Variants in DCUN1D3 observed in about 807,000 individuals in gnomAD.
DCUN1D3 encodes the protein defective in cullin neddylation 1 domain containing 3, also known as DCN1-like protein 3.
Under a neutral mutation model 24.8 loss-of-function variants are expected in DCUN1D3, and 6 were observed. The observed-to-expected ratio is 0.24, with a 90% CI of 0.13 to 0.48. The LOEUF is 0.48. Among genes scored for constraint, DCUN1D3 ranks in the 20% least tolerant of loss-of-function variants. The pLI is 0.99. For synonymous variants in DCUN1D3, 120 were observed against 144.9 expected (o/e 0.83, Z 1.24); for missense variants, 258 against 379.4 (o/e 0.68, Z 2.66).
intron 1 of DCUN1D3, among the ~76,000 whole-genome samples, chr16:20,879,250 TA>T (rs1159835690): frequency 1.3e-5 from 2 of 152,202 alleles, no homozygotes; most frequent in Non-Finnish European, 2.9e-5. Context: ...CAGTGAGTCA[TA>T]AAAAATAGTA....
intron 1 of DCUN1D3, among the ~76,000 whole-genome samples, chr16:20,897,898 A>T (rs1191728704): frequency 2.0e-5 from 3 of 152,040 alleles, no homozygotes; most frequent in African/African-American, 7.2e-5. Context: ...AAGTGATAAG[A>T]CCCTAGTTAA....
At chr16:20,891,130 A>C (rs559094391) in intron 1 of DCUN1D3, among the ~76,000 whole-genome samples, 1 of 152,026 alleles carries the variant, frequency 6.6e-6, no homozygotes, top group African/African-American at 2.4e-5. Flanking sequence ...AATAGCTACG[A>C]TTACAGGCGC....
At chr16:20,871,580 C>T (rs1196464790) in intron 1 of DCUN1D3, among the ~76,000 whole-genome samples, 1 of 152,162 alleles carries the variant, frequency 6.6e-6, no homozygotes, top group Non-Finnish European at 1.5e-5. Flanking sequence ...GGACTGAAGC[C>T]AGTGTGGGCT....
chr16:20,898,689 A>G (rs1469846175), intron 1 of DCUN1D3, among the ~76,000 whole-genome samples: 5 of 152,266 alleles, frequency 3.3e-5, no homozygotes, highest in Admixed American at 6.5e-5. Flanking sequence ...AGCACTATGC[A>G]TATCAAGCTC....
chr16:20,899,698 G>T (rs2081952536), intron 1 of DCUN1D3, among the ~76,000 whole-genome samples: 1 of 152,156 alleles, frequency 6.6e-6, no homozygotes, highest in Admixed American at 6.5e-5. Context: ...TACAGGCAAA[G>T]CCTCCAGCCT....
At chr16:20,863,433 T>TTGGAA (rs1478388679) in intron 1 of DCUN1D3, among the ~76,000 whole-genome samples, 2 of 152,190 alleles carry the variant, frequency 1.3e-5, no homozygotes, top group Non-Finnish European at 2.9e-5. Flanking sequence ...CAAAGAAGCA[T>TTGGAA]GTCTCCACTT....
chr16:20,860,255 G>T lies in DCUN1D3; in HGVS notation c.546C>A (p.Leu182=). The change falls in exon 3 of 3, where the codon CTC becomes CTA. Residue 182 remains leucine (L), a synonymous_variant. Coordinates refer to ENST00000324344, the MANE Select transcript of DCUN1D3 (RefSeq NM_173475.4). This position sits in a 1 kb window ranked among gnomAD's most constrained non-coding sequence, Gnocchi z 4.3. ...GGCCAAACTGAAATGTAAACCGGTA[G>T]AGATCCTTGAATTTATCCTCTTGTT... ...EAKQEDKFKD[L]YRFTFQFGLD... 1 of 1,614,246 alleles carries T rather than the reference G, an allele frequency of 6.2e-7. No homozygotes were observed.
At chr16:20,862,744 C>T (rs1200414924) in intron 1 of DCUN1D3, 101 bp from the exon 2 acceptor site, 1 of 1,169,462 alleles carries the variant, frequency 8.6e-7, no homozygotes, top group South Asian at 1.7e-5. Flanking sequence ...TTTCCATGAG[C>T]CAACAACGAA....
chr16:20,881,469 TTTTC>T (rs1462002002), intron 1 of DCUN1D3, among the ~76,000 whole-genome samples: 1 of 152,200 alleles, frequency 6.6e-6, no homozygotes, highest in Non-Finnish European at 1.5e-5. Flanking sequence ...GCACTATTTG[TTTTC>T]TTTTTTTCCC....
chr16:20,892,457 G>A (rs1251669199), intron 1 of DCUN1D3, among the ~76,000 whole-genome samples: 1 of 152,130 alleles, frequency 6.6e-6, no homozygotes, highest in Non-Finnish European at 1.5e-5. Context: ...TCCCCCTCCT[G>A]TTTAAAGAGC....
chr16:20,885,124 C>T (rs1391731065), intron 1 of DCUN1D3, among the ~76,000 whole-genome samples: 1 of 151,816 alleles, frequency 6.6e-6, no homozygotes, highest in African/African-American at 2.4e-5. Flanking sequence ...TACGGGCACC[C>T]GCCACCATAC....
intron 1 of DCUN1D3, among the ~76,000 whole-genome samples, chr16:20,872,602 A>G (rs1308646985): frequency 6.6e-6 from 1 of 152,168 alleles, no homozygotes; most frequent in African/African-American, 2.4e-5. Flanking sequence ...ACACAATAAA[A>G]GAATTCCTGC....
intron 1 of DCUN1D3, among the ~76,000 whole-genome samples, chr16:20,888,566 C>G (rs1378313885): frequency 1.3e-5 from 2 of 152,190 alleles, no homozygotes; most frequent in Non-Finnish European, 2.9e-5. Context: ...TAGGGTGATT[C>G]TCCTCAGTCT....
chr16:20,875,210 G>GCACACACACA lies in DCUN1D3; in HGVS notation c.-105-12577_-105-12568dup, dbSNP rs3222584. Among the ~76,000 whole-genome samples, 105 of 140,336 alleles carry GCACACACACA rather than the reference G, an allele frequency of 7.5e-4. 1 individual carries two copies. Among genetic ancestry groups the GCACACACACA allele is most frequent in the African/African-American group, 1.9e-3 (71 of 37,746 alleles). 92.1% of individuals were successfully genotyped at this position (140,336 alleles called of 152,430 possible). On this transcript the variant is annotated intron_variant, in intron 1 of 2. Transcript: ENST00000324344. ...CCCAGAATAAACTGCGTGCGCTCATGCACACACACACACACACACACACAC... is the reference window on the plus strand; with the variant it reads ...CCCAGAATAAACTGCGTGCGCTCATGCACACACACACACACACACACACACACACACACAC...
At chr16:20,891,598 G>A (rs762291356) in intron 1 of DCUN1D3, among the ~76,000 whole-genome samples, 9 of 152,184 alleles carry the variant, frequency 5.9e-5, no homozygotes, top group Non-Finnish European at 8.8e-5. Context: ...TAGGGTAGCC[G>A]GCCTTCGAGG....
chr16:20,862,476 G>A lies in DCUN1D3; in HGVS notation c.63C>T (p.Asp21=). 6.2e-7 allele frequency: 1 copy of A among 1,612,156 alleles called. No individual in the cohort carries two copies. Among genetic ancestry groups the A allele is most frequent in the Non-Finnish European group, 8.5e-7 (1 of 1,180,002 alleles). Residue 21 remains aspartate, a synonymous_variant, in exon 2 of 3, where the codon GAC becomes GAT. Transcript: ENST00000324344. ...PSSTLGSKNG[D]REPSNKSHSR... is the part of the protein sequence containing the mutation. ...TATGTGACTTGTTGCTGGGCTCACG[G>A]TCTCCATTTTTGCTGCCCAGGGTCG...
chr16:20,855,312 GC>G lies in DCUN1D3; in HGVS notation c.*4573del, dbSNP rs2081697210. On this transcript the variant is annotated 3_prime_UTR_variant, in exon 3 of 3. Transcript: ENST00000324344. ...ATATTCATTAGTGCAACAGGTAAGA[GC>G]AATTAAGCACAGACGGAGCTGGGGA... 1 of 152,248 alleles carries G rather than the reference GC, an allele frequency of 6.6e-6. No homozygotes were observed. Among genetic ancestry groups the G allele is most frequent in the Non-Finnish European group, 1.5e-5 (1 of 68,076 alleles). The allele number at this position is 152,248 out of a possible 1,614,324, so 9.4% of individuals were successfully genotyped here.
At chr16:20,874,826 T>A (rs1426016933) in intron 1 of DCUN1D3, among the ~76,000 whole-genome samples, 1 of 152,214 alleles carries the variant, frequency 6.6e-6, no homozygotes, top group Non-Finnish European at 1.5e-5. Flanking sequence ...CTTTGATTTT[T>A]TTTTTTAAGT....
chr16:20,893,990 G>T (rs1012666291), intron 1 of DCUN1D3, among the ~76,000 whole-genome samples: 2 of 152,214 alleles, frequency 1.3e-5, no homozygotes, highest in African/African-American at 4.8e-5. Context: ...GAGCAGGCCA[G>T]GTGTGGTGGC....
Sources: allele counts gnomAD v4.1 joint callset (sites outside exome capture counted in the v4.1 genomes callset), GRCh38; gene constraint gnomAD v4.1.1; non-coding constraint Gnocchi (gnomAD v3.1); transcripts MANE v1.5; gene names NCBI Gene and HGNC (gene_info 2026-07-23, HGNC 2026-07-21).